Variants in PTPRN2 observed in about 807,000 individuals in gnomAD.
The protein encoded by PTPRN2 is protein tyrosine phosphatase receptor type N2.
In PTPRN2, 74 loss-of-function variants were observed where a neutral mutation model predicts 118.8. The ratio of observed to expected loss-of-function variants is 0.62; its 90% CI spans 0.52 to 0.76. The LOEUF (loss-of-function observed/expected upper bound fraction) is 0.76. Among genes scored for constraint, PTPRN2 ranks in the 30% least tolerant of loss-of-function variants. The probability of loss-of-function intolerance (pLI) is 0.00; values close to 1 mark genes in which losing one functional copy is unlikely to be tolerated. For synonymous variants in PTPRN2, 641 were observed against 608.0 expected (o/e 1.05, Z -0.80); for missense variants, 1,481 against 1,394.4 (o/e 1.06, Z -0.99).
chr7:158,260,844 A>T (rs1468764155), intron 3 of PTPRN2, among the ~76,000 whole-genome samples: 2 of 152,146 alleles, frequency 1.3e-5, no homozygotes, highest in African/African-American at 2.4e-5. Flanking sequence ...GATCAGTCGC[A>T]CAGGCCGGGA....
intron 3 of PTPRN2, among the ~76,000 whole-genome samples, chr7:158,297,166 G>A (rs1303499890): frequency 6.6e-6 from 1 of 152,222 alleles, no homozygotes; most frequent in Non-Finnish European, 1.5e-5. Context: ...TTCTGCCAAT[G>A]GCTGGGCATA....
intron 1 of PTPRN2, among the ~76,000 whole-genome samples, chr7:158,586,031 G>A (rs545668476): frequency 6.6e-6 from 1 of 152,314 alleles, no homozygotes; most frequent in East Asian, 1.9e-4. Flanking sequence ...GGACTCCCCC[G>A]TGCTCCAGCA....
intron 22 of PTPRN2, among the ~76,000 whole-genome samples, chr7:157,544,959 T>G (rs1370656858): frequency 6.9e-6 from 1 of 144,708 alleles, no homozygotes; most frequent in Non-Finnish European, 1.5e-5. Flanking sequence ...TGTGGATGTG[T>G]GTGGGGGTGT....
chr7:158,153,206 C>T (rs1821375879), intron 6 of PTPRN2, among the ~76,000 whole-genome samples: 1 of 152,200 alleles, frequency 6.6e-6, no homozygotes, highest in Non-Finnish European at 1.5e-5. Context: ...AAATCATCTC[C>T]CTTCTGGCTC....
chr7:158,166,265 C>T lies in PTPRN2; in HGVS notation c.910+666G>A, dbSNP rs1388112831. ...ATCATCTCCTCCTCCCCCTGGCTGC[C>T]GCGTTCCCTGTCCTCACACCCTCAG... On this transcript the variant is annotated intron_variant, in intron 6 of 22. Coordinates refer to ENST00000389418, the MANE Select transcript of PTPRN2 (RefSeq NM_002847.5). 8.4e-4 allele frequency among the ~76,000 whole-genome samples: 92 copies of T among 109,702 alleles called. 7 individuals carry two copies. The highest frequency in any genetic ancestry group is 3.1e-3 in the African/African-American group (81 of 26,250). The allele number at this position is 109,702 out of a possible 152,430, so 72.0% of individuals were successfully genotyped here. A position where few individuals can be genotyped will look rare whatever the true frequency, so the allele number is the denominator to read the frequency against.
chr7:158,171,179 T>A (rs1033713284), intron 5 of PTPRN2, among the ~76,000 whole-genome samples: 1 of 137,934 alleles, frequency 7.2e-6, no homozygotes. Flanking sequence ...TATATACACA[T>A]ATATACACAC....
chr7:157,706,981 C>T (rs976240193), intron 12 of PTPRN2, among the ~76,000 whole-genome samples: 5 of 150,098 alleles, frequency 3.3e-5, no homozygotes, highest in African/African-American at 7.4e-5. Flanking sequence ...TCCAGAATGC[C>T]GGGAACTGAG....
chr7:157,657,904 AC>A (rs1795669390), intron 13 of PTPRN2, among the ~76,000 whole-genome samples: 1 of 56,732 alleles, frequency 1.8e-5, no homozygotes, highest in Non-Finnish European at 4.8e-5. Context: ...CATCACAGAC[AC>A]ACACACACCA....
chr7:158,513,810 T>C (rs1252493191), intron 1 of PTPRN2, among the ~76,000 whole-genome samples: 1 of 152,366 alleles, frequency 6.6e-6, no homozygotes, highest in South Asian at 2.1e-4. Flanking sequence ...CGGGAATGTT[T>C]TGGCCTTTGA....
intron 1 of PTPRN2, among the ~76,000 whole-genome samples, chr7:158,514,282 A>G (rs184383473): frequency 5.9e-5 from 9 of 152,238 alleles, no homozygotes. Flanking sequence ...CTCGTTTATC[A>G]ATGAGGAGGG....
At chr7:158,545,809 G>C (rs893227415) in intron 1 of PTPRN2, among the ~76,000 whole-genome samples, 1 of 152,130 alleles carries the variant, frequency 6.6e-6, no homozygotes, top group Non-Finnish European at 1.5e-5. Flanking sequence ...GACCGGTCTG[G>C]CCAACACGGC....
intron 12 of PTPRN2, among the ~76,000 whole-genome samples, chr7:157,756,792 G>GA (rs35163250): frequency 0.075 from 9,982 of 133,610 alleles, 517 homozygotes; most frequent in African/African-American, 0.17. Context: ...GAGAAGGGAG[G>GA]AAAAAAAAAA....
intron 17 of PTPRN2, among the ~76,000 whole-genome samples, chr7:157,584,377 T>A (rs1273510213): frequency 1.3e-5 from 2 of 152,228 alleles, no homozygotes; most frequent in Non-Finnish European, 2.9e-5. Context: ...ATCTAACAGA[T>A]GCTTCATTGA....
chr7:157,982,854 G>A (rs13311925), intron 11 of PTPRN2, among the ~76,000 whole-genome samples: 1 of 146,016 alleles, frequency 6.8e-6, no homozygotes, highest in Non-Finnish European at 1.5e-5. Flanking sequence ...GATGAGGAGG[G>A]GAATGCAGAG....
At chr7:158,071,769 A>ATGGAGGTGCTTGTGGTGG (rs1390845050) in intron 11 of PTPRN2, among the ~76,000 whole-genome samples, 1 of 44,794 alleles carries the variant, frequency 2.2e-5, no homozygotes, top group East Asian at 7.4e-4. Context: ...GCTCGTGGTG[A>ATGGAGGTGCTTGTGGTGG]TGGAGGTGCT....
chr7:158,037,736 C>T (rs931595770), intron 11 of PTPRN2, among the ~76,000 whole-genome samples: 2 of 152,162 alleles, frequency 1.3e-5, no homozygotes, highest in Non-Finnish European at 2.9e-5. Context: ...ACAAAAAACC[C>T]AATCAGTCTT....
At chr7:158,071,279 C>T (rs1188950244) in intron 11 of PTPRN2, among the ~76,000 whole-genome samples, 6 of 78,572 alleles carry the variant, frequency 7.6e-5, no homozygotes, top group Non-Finnish European at 9.8e-5. Context: ...TGGAGGTGCC[C>T]GTGGTGGTGG....
chr7:157,926,614 C>T (rs9691516), intron 11 of PTPRN2, among the ~76,000 whole-genome samples: 10,677 of 152,230 alleles, frequency 0.07, 1,250 homozygotes, highest in African/African-American at 0.24. Flanking sequence ...CTGGGCGGGA[C>T]TCCCTGCATC....
chr7:158,541,276 C>T (rs1207647326), intron 1 of PTPRN2: 5 of 388,378 alleles, frequency 1.3e-5, no homozygotes, highest in East Asian at 1.7e-4. Context: ...ATCATCAGCA[C>T]GTGCTTGGAA....
Sources: gnomAD v4.1 joint callset for allele counts (sites outside exome capture counted in the v4.1 genomes callset) on GRCh38, gnomAD v4.1.1 for gene constraint, MANE v1.5 for transcripts, NCBI Gene and HGNC (gene_info 2026-07-23, HGNC 2026-07-21) for gene names.